The following GP6 variants were observed in gnomAD, a reference collection of about 807,000 sequenced individuals.
GP6 encodes the protein platelet glycoprotein VI.
GP6 carries 45 observed loss-of-function variants against 37.3 expected under a neutral mutation model. The observed-to-expected ratio is 1.21, with a 90% CI of 0.95 to 1.55. The LOEUF is 1.55. Among genes scored for constraint, GP6 ranks in the 40% most tolerant of loss-of-function variants. The pLI is 0.00. For synonymous variants in GP6, 340 were observed against 316.4 expected (o/e 1.07, Z -0.79); for missense variants, 813 against 760.2 (o/e 1.07, Z -0.82).
intron 3 of GP6, among the ~76,000 whole-genome samples, chr19:55,028,582 G>A (rs1225265116): frequency 3.3e-5 from 5 of 152,122 alleles, no homozygotes; most frequent in Non-Finnish European, 4.4e-5. Context: ...CAGTGGATTC[G>A]TATATCAAAA....
intron 6 of GP6, among the ~76,000 whole-genome samples, chr19:55,018,215 G>T (rs1001122928): frequency 3.9e-5 from 6 of 152,258 alleles, no homozygotes; most frequent in African/African-American, 9.6e-5. Flanking sequence ...GGACAGGCAA[G>T]GGGAAAGAGA....
At chr19:55,032,666 C>T (rs1412933744) in intron 1 of GP6, 128 bp from the exon 2 acceptor site, 34 of 1,006,482 alleles carry the variant, frequency 3.4e-5, no homozygotes, top group Non-Finnish European at 3.1e-6. Flanking sequence ...TCAAAAGACA[C>T]ACAGGAATGT....
chr19:55,014,004 T>C lies in GP6; in HGVS notation c.*78A>G. 4.1e-6 allele frequency: 2 copies of C among 488,850 alleles called. No individual in the cohort carries two copies. The highest frequency in any genetic ancestry group is 1.1e-4 in the East Asian group (2 of 18,152). 30.3% of individuals were successfully genotyped at this position (488,850 alleles called of 1,614,324 possible). A position where few individuals can be genotyped will look rare whatever the true frequency, so the allele number is the denominator to read the frequency against. Reference sequence around the variant, plus strand: ...CGGTGCATTATCTTATTTTTATGATTTTAAAAATGTATACAGAATTGTACA... The same window carrying C: ...CGGTGCATTATCTTATTTTTATGATCTTAAAAATGTATACAGAATTGTACA... On this transcript the variant is annotated 3_prime_UTR_variant, in exon 8 of 8. Transcript: ENST00000310373.
chr19:55,020,886 T>C (rs891914897), intron 5 of GP6, among the ~76,000 whole-genome samples: 3 of 149,674 alleles, frequency 2.0e-5, no homozygotes, highest in Admixed American at 6.7e-5. Context: ...CTCCCGTCTC[T>C]AGCAAAAATC....
In GP6 at chr19:55,019,251, A is replaced by G. The variant is rs558083696; in HGVS notation, c.665-540T>C. ...CTCCCGAGTAGCTGGGATTACAGGC[A>G]CCTGCCATCACGCCTGGCCAACTTT... On this transcript the variant is annotated intron_variant, in intron 5 of 7. Transcript: ENST00000310373. Among the ~76,000 whole-genome samples the G allele has an allele frequency of 3.0e-3, 450 of 151,572 alleles. 8 individuals carry two copies. The highest frequency in any genetic ancestry group is 0.011 in the African/African-American group (436 of 41,330).
chr19:55,036,065 T>C (rs1360763864), intron 1 of GP6, among the ~76,000 whole-genome samples: 5 of 144,976 alleles, frequency 3.4e-5, no homozygotes, highest in South Asian at 2.3e-4. Context: ...AGAGCGAGAT[T>C]CCGTCTTTAA....
intron 1 of GP6, 62 bp from the exon 2 acceptor site, chr19:55,032,600 G>A (rs1009363998): frequency 3.2e-6 from 5 of 1,563,442 alleles, no homozygotes; most frequent in Middle Eastern, 1.7e-4. Flanking sequence ...CCTGCCTGCT[G>A]GGCGCGGTGA....
At chr19:55,018,469 G>T (rs963008655) in intron 6 of GP6, among the ~76,000 whole-genome samples, 183 bp downstream of exon 6, 6 of 152,198 alleles carry the variant, frequency 3.9e-5, no homozygotes, top group Non-Finnish European at 7.3e-5. Context: ...CACCCAAAAC[G>T]CTCCTCCTTC....
At chr19:55,026,093 C>T (rs183710217) in intron 4 of GP6, among the ~76,000 whole-genome samples, 5 of 151,954 alleles carry the variant, frequency 3.3e-5, no homozygotes, top group East Asian at 1.9e-4. Flanking sequence ...AGCTCCCGTC[C>T]ACCTTTTTCA....
At chr19:55,025,572 G>T (rs564302819) in intron 4 of GP6, among the ~76,000 whole-genome samples, 1 of 152,220 alleles carries the variant, frequency 6.6e-6, no homozygotes, top group African/African-American at 2.4e-5. Context: ...CAGGCGTGGT[G>T]GTGTGCACCT....
intron 1 of GP6, among the ~76,000 whole-genome samples, chr19:55,035,664 C>A (rs1359848959): frequency 6.6e-6 from 1 of 151,470 alleles, no homozygotes; most frequent in Non-Finnish European, 1.5e-5. Flanking sequence ...TTGCAGTGAG[C>A]CAACGTCATG....
In GP6 at chr19:55,014,855, A is replaced by G. The variant is rs2073798055; in HGVS notation, c.1090T>C (p.Trp364Arg). The G allele has an allele frequency of 6.2e-7, 1 of 1,614,018 alleles. No individual in the cohort carries two copies. The highest frequency in any genetic ancestry group is 1.3e-5 in the African/African-American group (1 of 75,014). ...CCTGCTTCCACGCTCCACACACGCC[A>G]GTCTTTGAGTCGCCTCCCATGCCAT... Residue 364 changes from tryptophan (W) to arginine (R), a missense_variant, in exon 8 of 8, where the codon TGG becomes CGG. Coordinates refer to ENST00000310373, the MANE Select transcript of GP6 (RefSeq NM_001083899.2).
At chr19:55,034,197 C>T (rs868259333) in intron 1 of GP6, among the ~76,000 whole-genome samples, 1 of 146,422 alleles carries the variant, frequency 6.8e-6, no homozygotes, top group Non-Finnish European at 1.5e-5. Flanking sequence ...TATACAAATA[C>T]ATGTACATAA....
intron 1 of GP6, among the ~76,000 whole-genome samples, chr19:55,035,743 T>C (rs1481524841): frequency 6.6e-6 from 1 of 151,702 alleles, no homozygotes; most frequent in Non-Finnish European, 1.5e-5. Context: ...TAAAAATAAA[T>C]GAGCGTGGAA....
intron 1 of GP6, chr19:55,032,835 C>CTA (rs2074618621): frequency 4.1e-6 from 2 of 492,202 alleles, no homozygotes; most frequent in Non-Finnish European, 3.6e-6. Flanking sequence ...GCGTACTGCT[C>CTA]TCTGTGGACT....
In GP6 at chr19:55,014,695, TTCCTTCCATCCCAAA is replaced by T; in HGVS notation, c.1235_1249del (p.Ile412_Arg416del). 3 of 1,613,820 alleles carry T rather than the reference TTCCTTCCATCCCAAA, an allele frequency of 1.9e-6. No individual in the cohort carries two copies. Among genetic ancestry groups the T allele is most frequent in the Non-Finnish European group, 2.5e-6 (3 of 1,179,778 alleles). ...GGGAGGAGGATGGGGTCTCCACAGA[TTCCTTCCATCCCAAA>T]TGGAGGGTGCCCTCAGACAGAGAGG... On this transcript the variant is annotated inframe_deletion, in exon 8 of 8. Coordinates refer to ENST00000310373, the MANE Select transcript of GP6 (RefSeq NM_001083899.2).
chr19:55,031,151 C>T (rs570196060), intron 3 of GP6, among the ~76,000 whole-genome samples: 27 of 152,236 alleles, frequency 1.8e-4, no homozygotes, highest in Non-Finnish European at 3.7e-4. Flanking sequence ...ACCAGTGCTA[C>T]GTTTATTTTT....
rs531980986 is a variant in GP6, at chr19:55,017,754, T to C, written c.724+898A>G. Among the ~76,000 whole-genome samples the C allele has an allele frequency of 2.0e-5, 3 of 152,092 alleles. No homozygotes were observed. In the South Asian group the frequency reaches 6.2e-4, roughly 32 times the overall value. ...TGATTGGGAGGTTCCGAACTGAAGA[T>C]AGGGAAGGCTTCCATCACAGAACTC... On this transcript the variant is annotated intron_variant, in intron 6 of 7. Transcript: ENST00000310373.
intron 3 of GP6, among the ~76,000 whole-genome samples, chr19:55,029,041 A>G (rs1220151420): frequency 2.7e-5 from 4 of 150,120 alleles, no homozygotes; most frequent in Non-Finnish European, 5.9e-5. Context: ...TAAGGAAGAT[A>G]AAAATATAAG....
Sources: allele counts gnomAD v4.1 joint callset (sites outside exome capture counted in the v4.1 genomes callset), GRCh38; gene constraint gnomAD v4.1.1; transcripts MANE v1.5; gene names NCBI Gene and HGNC (gene_info 2026-07-23, HGNC 2026-07-21).